The following HS3ST2 variants were observed in gnomAD, a reference collection of about 807,000 sequenced individuals.
HS3ST2 encodes heparan sulfate-glucosamine 3-sulfotransferase 2, also known as heparan sulfate glucosamine 3-O-sulfotransferase 2.
In HS3ST2, 17 loss-of-function variants were observed where a neutral mutation model predicts 26.3. The ratio of observed to expected loss-of-function variants is 0.65; its 90% CI spans 0.44 to 0.97. The LOEUF (loss-of-function observed/expected upper bound fraction) is 0.97. Ranked by LOEUF, HS3ST2 falls within the 50% of genes least tolerant of loss-of-function variation. HS3ST2 has a pLI of 0.00. For missense variants in HS3ST2, 402 were observed against 501.2 expected (o/e 0.80, Z 1.89); for synonymous variants, 237 against 219.2 (o/e 1.08, Z -0.72).
chr16:22,886,157 G>T (rs948563771), intron 1 of HS3ST2, among the ~76,000 whole-genome samples: 4 of 152,172 alleles, frequency 2.6e-5, no homozygotes, highest in Non-Finnish European at 4.4e-5. Flanking sequence ...CAAGTTAGCT[G>T]CACAATTAAA....
At chr16:22,904,383 A>G (rs1226085149) in intron 1 of HS3ST2, among the ~76,000 whole-genome samples, 1 of 152,176 alleles carries the variant, frequency 6.6e-6, no homozygotes. Flanking sequence ...GTCAATATAG[A>G]GATGCCACAG....
intron 1 of HS3ST2, among the ~76,000 whole-genome samples, chr16:22,830,902 T>A (rs1901158395): frequency 6.6e-6 from 1 of 152,240 alleles, no homozygotes; most frequent in Non-Finnish European, 1.5e-5. Context: ...AAATTGAAAC[T>A]TTATATCACC....
intron 1 of HS3ST2, among the ~76,000 whole-genome samples, chr16:22,821,989 A>G (rs1901001691): frequency 6.6e-6 from 1 of 152,084 alleles, no homozygotes; most frequent in African/African-American, 2.4e-5. Flanking sequence ...GCTCCACCTC[A>G]GTGTCCATGG....
intron 1 of HS3ST2, among the ~76,000 whole-genome samples, chr16:22,846,701 C>G (rs989286316): frequency 6.6e-5 from 10 of 152,210 alleles, no homozygotes; most frequent in African/African-American, 2.2e-4. Flanking sequence ...AGGGCAATTC[C>G]AAAGAGCAAT....
chr16:22,864,882 C>CA lies in HS3ST2; in HGVS notation c.485+49807dup, dbSNP rs34942780. Among the ~76,000 whole-genome samples, 570 of 57,086 alleles carry CA rather than the reference C, an allele frequency of 1.0e-2. 11 individuals carry two copies. The highest frequency in any genetic ancestry group is 0.024 in the Middle Eastern group (2 of 84). 37.5% of individuals were successfully genotyped at this position (57,086 alleles called of 152,430 possible). On this transcript the variant is annotated intron_variant, in intron 1 of 1. Transcript: ENST00000261374. ...GCAACATAGGGAGACCCTGTCTCCA[C>CA]AAAAAAAAAAAAAAAAAAAATAGCC... is the stretch of plus-strand genomic sequence containing the variant.
chr16:22,843,574 T>G (rs78287976), intron 1 of HS3ST2, among the ~76,000 whole-genome samples: 438 of 152,296 alleles, frequency 2.9e-3, no homozygotes, highest in African/African-American at 0.01. Flanking sequence ...TTTTAAATGA[T>G]GCAAATAAAT....
chr16:22,914,862 G>C, intron 1 of HS3ST2, 82 bp from the exon 2 acceptor site: 4 of 1,439,830 alleles, frequency 2.8e-6, no homozygotes, highest in Non-Finnish European at 3.7e-6. Flanking sequence ...ACAGGCCCCT[G>C]GGTGGAAGGG....
intron 1 of HS3ST2, among the ~76,000 whole-genome samples, chr16:22,887,215 G>A (rs865813946): frequency 6.6e-6 from 1 of 152,314 alleles, no homozygotes; most frequent in South Asian, 2.1e-4. Flanking sequence ...ACATGACCTT[G>A]CTCCTGCAAA....
chr16:22,905,132 C>T (rs1469920889), intron 1 of HS3ST2, among the ~76,000 whole-genome samples: 5 of 152,234 alleles, frequency 3.3e-5, no homozygotes, highest in African/African-American at 1.2e-4. Context: ...CTCCAGGCAG[C>T]CGGGTCTTCC....
intron 1 of HS3ST2, among the ~76,000 whole-genome samples, chr16:22,816,588 T>G (rs1900873310): frequency 6.6e-6 from 1 of 152,178 alleles, no homozygotes; most frequent in Non-Finnish European, 1.5e-5. Flanking sequence ...CACCATTATG[T>G]CTGGTTAATA....
At chr16:22,833,178 G>A (rs1400167475) in intron 1 of HS3ST2, 3 of 455,234 alleles carry the variant, frequency 6.6e-6, no homozygotes, top group African/African-American at 6.0e-5. Flanking sequence ...TTAAAACCTG[G>A]CTGTATTGCT....
chr16:22,814,431 G>C lies in HS3ST2; in HGVS notation c.-180G>C. 2.0e-6 allele frequency: 1 copy of C among 510,684 alleles called. No individual in the cohort carries two copies. Among genetic ancestry groups the C allele is most frequent in the East Asian group, 3.5e-5 (1 of 28,694 alleles). The allele number at this position is 510,684 out of a possible 1,614,324, so 31.6% of individuals were successfully genotyped here. A position where few individuals can be genotyped will look rare whatever the true frequency, so the allele number is the denominator to read the frequency against. On this transcript the variant is annotated 5_prime_UTR_variant, in exon 1 of 2. Transcript: ENST00000261374. ...TTCCCCGAGGAGCCGCTGCCCCCGG[G>C]ACCCCCTGGCACTGTGCGCACCCTG...
At chr16:22,815,689 A>G (rs766988586) in intron 1 of HS3ST2, among the ~76,000 whole-genome samples, 2 of 152,122 alleles carry the variant, frequency 1.3e-5, no homozygotes, top group Non-Finnish European at 2.9e-5. Flanking sequence ...TGGCCCTGGT[A>G]GGTGGTCTTT....
intron 1 of HS3ST2, among the ~76,000 whole-genome samples, chr16:22,894,067 G>C (rs1021254807): frequency 2.0e-5 from 3 of 152,134 alleles, no homozygotes; most frequent in Admixed American, 6.5e-5. Flanking sequence ...ATGATCTGCT[G>C]TCCTTGGCCT....
chr16:22,907,007 C>A (rs1902365436), intron 1 of HS3ST2, among the ~76,000 whole-genome samples: 1 of 152,116 alleles, frequency 6.6e-6, no homozygotes, highest in South Asian at 2.1e-4. Context: ...GGCGGTTATA[C>A]AAAGTGCCAT....
chr16:22,888,394 T>TTTTTTTTCTA, intron 1 of HS3ST2, among the ~76,000 whole-genome samples: 1 of 117,434 alleles, frequency 8.5e-6, no homozygotes, highest in East Asian at 2.0e-4. Flanking sequence ...TTTTTTTTTC[T>TTTTTTTTCTA]TTTTTTTTTT....
At chr16:22,835,376 A>G (rs561521248) in intron 1 of HS3ST2, among the ~76,000 whole-genome samples, 29 of 152,200 alleles carry the variant, frequency 1.9e-4, no homozygotes, top group African/African-American at 5.8e-4. Context: ...TAACTTAGAG[A>G]ACGACTCCAA....
At chr16:22,823,414 T>A (rs1901030419) in intron 1 of HS3ST2, among the ~76,000 whole-genome samples, 1 of 152,192 alleles carries the variant, frequency 6.6e-6, no homozygotes, top group South Asian at 2.1e-4. Context: ...AGTAAGTCTG[T>A]GTAGTACCTA....
At chr16:22,909,553 A>G (rs1355989038) in intron 1 of HS3ST2, among the ~76,000 whole-genome samples, 1 of 152,190 alleles carries the variant, frequency 6.6e-6, no homozygotes, top group Non-Finnish European at 1.5e-5. Flanking sequence ...ATCATCACAC[A>G]GGACTCCAAC....
Sources: allele counts gnomAD v4.1 joint callset (sites outside exome capture counted in the v4.1 genomes callset), GRCh38; gene constraint gnomAD v4.1.1; transcripts MANE v1.5; gene names NCBI Gene and HGNC (gene_info 2026-07-23, HGNC 2026-07-21).